NOL12: variants seen among roughly 807,000 people sequenced by gnomAD.
NOL12 encodes nucleolar protein 12.
A neutral mutation model predicts 25.2 loss-of-function variants in NOL12; 21 were observed. The ratio of observed to expected loss-of-function variants is 0.83; its 90% CI spans 0.59 to 1.20. The LOEUF is 1.20. Among genes scored for constraint, NOL12 ranks in the 50% most tolerant of loss-of-function variants. The pLI, the probability that NOL12 is intolerant of heterozygous loss-of-function variation, is 0.00. For missense variants in NOL12, 286 were observed against 287.6 expected (o/e 0.99, Z 0.04); for synonymous variants, 133 against 113.8 (o/e 1.17, Z -1.08).
chr22:37,691,663 CG>C lies in NOL12; in HGVS notation c.*328del. The C allele has an allele frequency of 4.4e-6, 1 of 225,930 alleles. No homozygotes were observed. Among genetic ancestry groups the C allele is most frequent in the Middle Eastern group, 1.4e-3 (1 of 702 alleles). The allele number at this position is 225,930 out of a possible 1,614,324, so 14.0% of individuals were successfully genotyped here. On this transcript the variant is annotated 3_prime_UTR_variant, in exon 6 of 6. Coordinates refer to ENST00000359114, the MANE Select transcript of NOL12 (RefSeq NM_024313.3). ...TGTGATTTGTTTGTCCTTGATACCACGCACAAGGGCAGGTTTTTGGGGTGGT... is the reference window on the plus strand; with the variant it reads ...TGTGATTTGTTTGTCCTTGATACCACCACAAGGGCAGGTTTTTGGGGTGGT...
Position 37,692,412 on chromosome 22 carries a change from C to G in NOL12, c.*1076C>G, listed in dbSNP as rs573124867. The G allele has an allele frequency of 2.5e-6, 1 of 398,486 alleles. No homozygotes were observed. The highest frequency in any genetic ancestry group is 4.4e-6 in the Non-Finnish European group (1 of 226,092). The allele number at this position is 398,486 out of a possible 1,614,324, so 24.7% of individuals were successfully genotyped here. ...TTGACTCGTACAAAAGTAGCCCCCA[C>G]CAGAGTAGACCCTGCGGGTGCCAGC... On this transcript the variant is annotated 3_prime_UTR_variant, in exon 6 of 6. Transcript: ENST00000359114.
chr22:37,688,446 T>A (rs1921919326), intron 3 of NOL12, 86 bp downstream of exon 3: 1 of 1,428,862 alleles, frequency 7.0e-7, no homozygotes, highest in African/African-American at 1.4e-5. Context: ...GAAGCTGACC[T>A]CCTTGGCCCT....
chr22:37,690,642 G>A (rs1179332808), intron 4 of NOL12, 55 bp from the exon 5 acceptor site: 4 of 1,388,808 alleles, frequency 2.9e-6, no homozygotes, highest in African/African-American at 1.4e-5. Context: ...GGGGTGCCCA[G>A]CCCAGGTCCC....
At position 37,688,982 on chromosome 22, in the gene NOL12, C is replaced by A; in HGVS notation, c.371C>A (p.Thr124Asn). The part of the protein sequence containing the change: ...DLSGARLLGL[T>N]PPEGGAGDRS... ...TCGGGGGCCCGGCTGCTCGGGCTGA[C>A]CCCACCTGAGGTGGGTCCCAGTCTC... is the stretch of plus-strand genomic sequence containing the variant. The change falls in exon 4 of 6, where the codon ACC becomes AAC. Residue 124 changes from threonine (T) to asparagine (N), a missense_variant. Coordinates refer to ENST00000359114, the MANE Select transcript of NOL12 (RefSeq NM_024313.3). 2.5e-6 allele frequency: 4 copies of A among 1,612,090 alleles called. No individual in the cohort carries two copies. The highest frequency in any genetic ancestry group is 1.3e-5 in the African/African-American group (1 of 75,054).
intron 2 of NOL12, 75 bp downstream of exon 2, chr22:37,688,090 C>T: frequency 7.6e-7 from 1 of 1,310,964 alleles, no homozygotes; most frequent in Non-Finnish European, 1.1e-6. Context: ...CTAATAGAGG[C>T]AGCTGCTGGC....
chr22:37,690,863 G>A (rs1399564560), intron 5 of NOL12, 69 bp downstream of exon 5: 1 of 1,180,856 alleles, frequency 8.5e-7, no homozygotes. Flanking sequence ...GGCCCTTAGG[G>A]TGGTGTGGAG....
chr22:37,688,217 T>G, intron 2 of NOL12, 95 bp from the exon 3 acceptor site: 1 of 1,383,864 alleles, frequency 7.2e-7, no homozygotes, highest in Non-Finnish European at 1.0e-6. Context: ...GCAGTATGGA[T>G]CATGGTCTCC....
In NOL12 at chr22:37,688,362, T is replaced by C; in HGVS notation, c.238+2T>C. The C allele has an allele frequency of 1.2e-6, 2 of 1,614,074 alleles. No homozygotes were observed. Among genetic ancestry groups the C allele is most frequent in the Non-Finnish European group, 1.7e-6 (2 of 1,179,944 alleles). On this transcript the variant is annotated splice_donor_variant, in intron 3 of 5. Transcript: ENST00000359114. LOFTEE classifies it high-confidence loss of function. ...TGGCAGAGAGAGAAGAGGCTCTGGG[T>C]AAGTGGCATGCTTGGCCTGACCTGG...
At chr22:37,689,486 T>C (rs1921972897) in intron 4 of NOL12, among the ~76,000 whole-genome samples, 2 of 152,030 alleles carry the variant, frequency 1.3e-5, no homozygotes, top group Admixed American at 6.5e-5. Context: ...GTGCACTAAG[T>C]GGGTTTTCAA....
At position 37,692,370 on chromosome 22, in the gene NOL12, A is replaced by T. The variant is rs557242814; in HGVS notation, c.*1034A>T. ...ACCTTGTCTCAAAAAAAAACTAAAA[A>T]ATAAAGCAGTTGCATCTTGACTCGT... is the stretch of plus-strand genomic sequence containing the variant. On this transcript the variant is annotated 3_prime_UTR_variant, in exon 6 of 6. Transcript: ENST00000359114. 145 of 397,792 alleles carry T rather than the reference A, an allele frequency of 3.6e-4. 1 individual carries two copies. The highest frequency in any genetic ancestry group is 2.6e-3 in the African/African-American group (128 of 48,720). The allele number at this position is 397,792 out of a possible 1,614,324, so 24.6% of individuals were successfully genotyped here.
At chr22:37,686,605 C>T in intron 1 of NOL12, 130 bp downstream of exon 1, 2 of 1,378,532 alleles carry the variant, frequency 1.5e-6, no homozygotes, top group Non-Finnish European at 1.9e-6. Context: ...GAACCCCTCT[C>T]GGCCTTCCAG....
At chr22:37,689,249 G>A (rs1034577923) in intron 4 of NOL12, among the ~76,000 whole-genome samples, 1 of 152,250 alleles carries the variant, frequency 6.6e-6, no homozygotes, top group African/African-American at 2.4e-5. Flanking sequence ...CTGAGCGGCT[G>A]AGGAGCTTGG....
In NOL12 at chr22:37,692,610, G is replaced by A; in HGVS notation, c.*1274G>A. 1 of 398,796 alleles carries A rather than the reference G, an allele frequency of 2.5e-6. No individual in the cohort carries two copies. Among genetic ancestry groups the A allele is most frequent in the African/African-American group, 2.1e-5 (1 of 48,778 alleles). 24.7% of individuals were successfully genotyped at this position (398,796 alleles called of 1,614,324 possible). On this transcript the variant is annotated 3_prime_UTR_variant, in exon 6 of 6. Transcript: ENST00000359114. ...AAACACTAGGACCACAAAGGGGAGT[G>A]AACTGTGTTCCCAGGGCTTGCTGAC...
At chr22:37,687,869 G>T in intron 1 of NOL12, 41 bp from the exon 2 acceptor site, 1 of 1,477,898 alleles carries the variant, frequency 6.8e-7, no homozygotes, top group Non-Finnish European at 9.3e-7. Context: ...TTCTCTCCTT[G>T]TATAATGACT....
intron 1 of NOL12, 64 bp downstream of exon 1, chr22:37,686,539 G>C: frequency 6.8e-7 from 1 of 1,467,888 alleles, no homozygotes; most frequent in Non-Finnish European, 9.0e-7. Context: ...CCAGGTCTGG[G>C]GCCGAGCACG....
At position 37,690,685 on chromosome 22, in the gene NOL12, G is replaced by C; in HGVS notation, c.382-12G>C. On this transcript the variant is annotated splice_polypyrimidine_tract_variant and intron_variant, in intron 4 of 5. Transcript: ENST00000359114. ...ACTGCTCCATGTAAGTCATTGTCTT[G>C]TGCCTCTTTAGGGAGGGGCTGGAGA... 6.2e-7 allele frequency: 1 copy of C among 1,604,098 alleles called. No individual in the cohort carries two copies. The highest frequency in any genetic ancestry group is 8.5e-7 in the Non-Finnish European group (1 of 1,171,930).
chr22:37,687,562 A>G (rs540584986), intron 1 of NOL12, among the ~76,000 whole-genome samples: 3 of 152,028 alleles, frequency 2.0e-5, no homozygotes, highest in East Asian at 3.9e-4. Context: ...GGTTCAAGCA[A>G]TTCTCCCCGC....
At chr22:37,691,106 C>T (rs1304229512) in intron 5 of NOL12, 68 bp from the exon 6 acceptor site, 1 of 1,520,400 alleles carries the variant, frequency 6.6e-7, no homozygotes, top group African/African-American at 1.4e-5. Flanking sequence ...CTGACATCCC[C>T]TCCGTGAGCC....
chr22:37,690,533 A>G (rs1013284235), intron 4 of NOL12, among the ~76,000 whole-genome samples, 164 bp from the exon 5 acceptor site: 10 of 152,150 alleles, frequency 6.6e-5, no homozygotes, highest in Non-Finnish European at 4.4e-5. Flanking sequence ...TCCTTGCTTT[A>G]GGGCAGATAG....
Sources: allele counts gnomAD v4.1 joint callset (sites outside exome capture counted in the v4.1 genomes callset), GRCh38; gene constraint gnomAD v4.1.1; transcripts MANE v1.5; gene names NCBI Gene and HGNC (gene_info 2026-07-23, HGNC 2026-07-21).